Variants in CD48 observed in about 807,000 individuals in gnomAD.
CD48 encodes the protein CD48 molecule.
Under a neutral mutation model 22.0 loss-of-function variants are expected in CD48, and 20 were observed. That is an observed-to-expected ratio of 0.91 (90% CI 0.64 to 1.32). The LOEUF is 1.32. CD48 is among the 40% of genes most tolerant of loss of function. CD48 has a pLI of 0.00. For missense variants in CD48, 307 were observed against 286.5 expected (o/e 1.07, Z -0.52); for synonymous variants, 110 against 110.1 (o/e 1.00, Z 0.01).
At chr1:160,711,121 G>T (rs1346285869) in intron 1 of CD48, among the ~76,000 whole-genome samples, 1 of 152,260 alleles carries the variant, frequency 6.6e-6, no homozygotes, top group East Asian at 1.9e-4. Flanking sequence ...GATGTGTTAA[G>T]GTTCCTTTGA....
At chr1:160,710,954 A>T (rs1054821794) in intron 1 of CD48, among the ~76,000 whole-genome samples, 1 of 152,204 alleles carries the variant, frequency 6.6e-6, no homozygotes, top group African/African-American at 2.4e-5. Context: ...CAAAGGTTTC[A>T]CTGCTGTTTC....
chr1:160,680,600 AC>A lies in CD48; in HGVS notation c.652+601del. On this transcript the variant is annotated intron_variant, in intron 3 of 3. Transcript: ENST00000368046. ...TAGGCCTGATCTAGAGCCAGGTGTG[AC>A]ACTCATGAGTGGATCCTCCCAGGAG... 1.3e-5 allele frequency: 13 copies of A among 1,001,028 alleles called. No individual in the cohort carries two copies. In the Admixed American group the frequency reaches 1.6e-4, roughly 12 times the overall value. The allele number at this position is 1,001,028 out of a possible 1,614,324, so 62.0% of individuals were successfully genotyped here.
At chr1:160,698,549 G>C (rs977587442) in intron 1 of CD48, among the ~76,000 whole-genome samples, 1 of 152,088 alleles carries the variant, frequency 6.6e-6, no homozygotes, top group Admixed American at 6.5e-5. Flanking sequence ...ATCTAGTATT[G>C]ATCAAAAATT....
chr1:160,684,526 C>CTTTTTT, intron 2 of CD48: 1 of 544,148 alleles, frequency 1.8e-6, no homozygotes, highest in Non-Finnish European at 3.2e-6. Flanking sequence ...AATACATTCT[C>CTTTTTT]TTTTTTCTTA....
chr1:160,691,970 G>T (rs934854924), intron 1 of CD48: 5 of 228,530 alleles, frequency 2.2e-5, no homozygotes, highest in Non-Finnish European at 3.4e-5. Flanking sequence ...AAAAGAGGGG[G>T]AGTTAGAGTA....
chr1:160,681,500 C>G, intron 2 of CD48, 32 bp from the exon 3 acceptor site: 5 of 1,604,712 alleles, frequency 3.1e-6, no homozygotes, highest in Non-Finnish European at 4.3e-6. Context: ...TAAGATGAGA[C>G]AGTGAGGCAT....
At chr1:160,681,112 A>G (rs751823707) in intron 3 of CD48, 90 bp downstream of exon 3, 1 of 1,599,602 alleles carries the variant, frequency 6.3e-7, no homozygotes, top group South Asian at 1.1e-5. Flanking sequence ...CACACTGTGC[A>G]AGGAGGCTGA....
chr1:160,686,757 G>T (rs1662013522), intron 1 of CD48: 1 of 152,186 alleles, frequency 6.6e-6, no homozygotes, highest in Admixed American at 6.5e-5. Context: ...ATTTTCAAAA[G>T]GGGAGGGAGT....
chr1:160,696,229 G>C (rs560208418), intron 1 of CD48, among the ~76,000 whole-genome samples: 18 of 151,788 alleles, frequency 1.2e-4, no homozygotes, highest in Non-Finnish European at 2.1e-4. Flanking sequence ...AGTCATTACA[G>C]TGTTACAAGA....
chr1:160,703,063 C>G (rs1662683777), intron 1 of CD48, among the ~76,000 whole-genome samples: 1 of 152,104 alleles, frequency 6.6e-6, no homozygotes, highest in African/African-American at 2.4e-5. Context: ...GTTACTTGTT[C>G]TGTGGTAAGG....
chr1:160,681,510 T>C (rs1322664320), intron 2 of CD48, 42 bp from the exon 3 acceptor site: 2 of 1,598,654 alleles, frequency 1.3e-6, no homozygotes, highest in Non-Finnish European at 1.7e-6. Flanking sequence ...CAGTGAGGCA[T>C]TCATGCTGTG....
intron 1 of CD48, among the ~76,000 whole-genome samples, chr1:160,696,482 C>T (rs1292059473): frequency 6.6e-6 from 1 of 152,362 alleles, no homozygotes; most frequent in African/African-American, 2.4e-5. Context: ...GTATCATCTG[C>T]ATTCATAAAA....
chr1:160,683,986 T>C (rs1275978412), intron 2 of CD48: 1 of 152,120 alleles, frequency 6.6e-6, no homozygotes, highest in Admixed American at 6.5e-5. Context: ...TGAACTAAAT[T>C]GGGACTATCA....
intron 2 of CD48, among the ~76,000 whole-genome samples, chr1:160,681,669 T>C (rs903711818): frequency 1.3e-5 from 2 of 152,176 alleles, no homozygotes; most frequent in African/African-American, 4.8e-5. Flanking sequence ...GAGCGGCTTC[T>C]AGGCAGTGAA....
At chr1:160,690,548 C>T (rs747211998) in intron 1 of CD48, among the ~76,000 whole-genome samples, 3 of 152,172 alleles carry the variant, frequency 2.0e-5, no homozygotes, top group African/African-American at 2.4e-5. Context: ...TATGGAACTC[C>T]TGAGCTTCTT....
At chr1:160,693,052 C>T (rs1293583726) in intron 1 of CD48, among the ~76,000 whole-genome samples, 1 of 152,264 alleles carries the variant, frequency 6.6e-6, no homozygotes, top group African/African-American at 2.4e-5. Context: ...CTCCAGTTAA[C>T]ATAGATGCAG....
At chr1:160,679,695 T>C (rs1303813040) in intron 3 of CD48, among the ~76,000 whole-genome samples, 2 of 151,786 alleles carry the variant, frequency 1.3e-5, no homozygotes, top group East Asian at 3.9e-4. Context: ...GAAAGGAGTT[T>C]GAGGGGGCTT....
At chr1:160,688,970 T>C (rs1662096791) in intron 1 of CD48, among the ~76,000 whole-genome samples, 1 of 152,156 alleles carries the variant, frequency 6.6e-6, no homozygotes, top group Admixed American at 6.5e-5. Flanking sequence ...AACACAATCA[T>C]CCTAAATTAA....
At chr1:160,704,574 A>T (rs569681953) in intron 1 of CD48, among the ~76,000 whole-genome samples, 1 of 152,362 alleles carries the variant, frequency 6.6e-6, no homozygotes, top group African/African-American at 2.4e-5. Flanking sequence ...GCAGGTTGGA[A>T]GTGAACAACA....
Sources: allele counts gnomAD v4.1 joint callset (sites outside exome capture counted in the v4.1 genomes callset), GRCh38; gene constraint gnomAD v4.1.1; transcripts MANE v1.5; gene names NCBI Gene and HGNC (gene_info 2026-07-23, HGNC 2026-07-21).